The following COQ8A variants were observed in gnomAD, a reference collection of about 807,000 sequenced individuals.
The protein encoded by COQ8A is atypical kinase COQ8A, mitochondrial.
A neutral mutation model predicts 65.0 loss-of-function variants in COQ8A; 51 were observed. The observed-to-expected ratio is 0.78, with a 90% CI of 0.63 to 0.99. The LOEUF (loss-of-function observed/expected upper bound fraction) is 0.99, where lower values mean the gene tolerates loss of function less well. Among genes scored for constraint, COQ8A ranks in the 50% least tolerant of loss-of-function variants. The pLI is 0.00. For synonymous variants in COQ8A, 371 were observed against 353.2 expected, an observed-to-expected ratio of 1.05 and a Z score of -0.57; for missense variants, 940 against 875.0, an observed-to-expected ratio of 1.07 and a Z score of -0.94.
In COQ8A at chr1:226,961,374, C is replaced by T. The variant is rs757408616; in HGVS notation, c.-9-3C>T. The T allele has an allele frequency of 7.4e-6, 12 of 1,613,384 alleles. No individual in the cohort carries two copies. The highest frequency in any genetic ancestry group is 2.2e-5 in the East Asian group (1 of 44,894). On this transcript the variant is annotated splice_polypyrimidine_tract_variant and splice_region_variant and intron_variant, in intron 1 of 14. Transcript: ENST00000366777. Reference sequence around the variant, plus strand: ...TCCCCTGACTTGGCCTCCTCTCTTCCAGCCCTGAAGGATGGCTGCCATATT... The same window carrying T: ...TCCCCTGACTTGGCCTCCTCTCTTCTAGCCCTGAAGGATGGCTGCCATATT...
At chr1:226,942,776 G>T (rs955053532) in intron 1 of COQ8A, among the ~76,000 whole-genome samples, 7 of 152,172 alleles carry the variant, frequency 4.6e-5, no homozygotes, top group Non-Finnish European at 2.9e-5. Context: ...TCAGTGTCAA[G>T]GTCAGTGAAC....
intron 2 of COQ8A, among the ~76,000 whole-genome samples, chr1:226,962,064 A>T (rs1658286460): frequency 6.6e-6 from 1 of 152,168 alleles, no homozygotes; most frequent in Non-Finnish European, 1.5e-5. Flanking sequence ...TGCACTTTGG[A>T]GACACACAAT....
At chr1:226,961,680 C>A in intron 2 of COQ8A, 118 bp downstream of exon 2, 1 of 1,265,024 alleles carries the variant, frequency 7.9e-7, no homozygotes, top group Non-Finnish European at 1.1e-6. Flanking sequence ...GGCCTGAGGG[C>A]CCACCAGCTA....
intron 5 of COQ8A, among the ~76,000 whole-genome samples, chr1:226,980,767 C>T (rs531184035): frequency 2.6e-5 from 4 of 152,260 alleles, no homozygotes; most frequent in African/African-American, 7.2e-5. Context: ...CCCCTTTCCA[C>T]GTAGCTGCCT....
chr1:226,965,673 C>G lies in COQ8A; in HGVS notation c.591C>G (p.Leu197=). 6.2e-7 allele frequency: 1 copy of G among 1,614,108 alleles called. No homozygotes were observed. The highest frequency in any genetic ancestry group is 1.7e-5 in the Admixed American group (1 of 60,032). ...RPENKQHKQT[L]SEHARERKVP... is the part of the protein sequence containing the mutation. ...GTCTCTTTCTCGTCTCCCTCCAGCT[C>G]AGCGAGCATGCCCGGGAGCGGAAGG... is the stretch of plus-strand genomic sequence containing the variant. The change falls in exon 4 of 15, where the codon CTC becomes CTG. Residue 197 remains leucine, a splice_region_variant and synonymous_variant. Coordinates refer to ENST00000366777, the MANE Select transcript of COQ8A (RefSeq NM_020247.5).
intron 2 of COQ8A, among the ~76,000 whole-genome samples, chr1:226,964,396 A>G (rs866451571): frequency 5.9e-5 from 9 of 152,276 alleles, no homozygotes; most frequent in Middle Eastern, 6.8e-3. Flanking sequence ...TGACCATCAC[A>G]AAGAAAACAT....
At chr1:226,941,113 G>A (rs1167872755) in intron 1 of COQ8A, among the ~76,000 whole-genome samples, 3 of 152,184 alleles carry the variant, frequency 2.0e-5, no homozygotes, top group Admixed American at 6.5e-5. Flanking sequence ...TTTGGGCGAT[G>A]GGGAGTGCTG....
intron 2 of COQ8A, among the ~76,000 whole-genome samples, chr1:226,964,320 G>T (rs1257733399): frequency 6.6e-6 from 1 of 152,182 alleles, no homozygotes; most frequent in Admixed American, 6.5e-5. Context: ...GAAGGGTCAG[G>T]AGCTCACTCA....
At chr1:226,943,086 G>C (rs914751546) in intron 1 of COQ8A, among the ~76,000 whole-genome samples, 3 of 152,220 alleles carry the variant, frequency 2.0e-5, no homozygotes, top group Non-Finnish European at 4.4e-5. Context: ...TCAGTTAGGG[G>C]ATCTTTTGGG....
intron 5 of COQ8A, among the ~76,000 whole-genome samples, chr1:226,978,062 A>T (rs1659362332): frequency 7.6e-6 from 1 of 131,214 alleles, no homozygotes; most frequent in Non-Finnish European, 1.6e-5. Context: ...CCCACCGAAC[A>T]CCCGCACACC....
intron 1 of COQ8A, among the ~76,000 whole-genome samples, chr1:226,943,803 T>C (rs1306528089): frequency 6.6e-6 from 1 of 152,222 alleles, no homozygotes; most frequent in African/African-American, 2.4e-5. Context: ...AATCAAGCTA[T>C]AGAACAATTT....
At chr1:226,958,540 G>A (rs1264866759) in intron 1 of COQ8A, among the ~76,000 whole-genome samples, 1 of 152,198 alleles carries the variant, frequency 6.6e-6, no homozygotes, top group Non-Finnish European at 1.5e-5. Flanking sequence ...GCTGCCATGA[G>A]CCCTGGGCCA....
In COQ8A at chr1:226,958,563, C is replaced by T. The variant is rs756785874; in HGVS notation, c.-9-2814C>T. Among the ~76,000 whole-genome samples the T allele has an allele frequency of 5.9e-5, 9 of 152,172 alleles. No individual in the cohort carries two copies. In the South Asian group the frequency reaches 1.0e-3, roughly 18 times the overall value. On this transcript the variant is annotated intron_variant, in intron 1 of 14. Coordinates refer to ENST00000366777, the MANE Select transcript of COQ8A (RefSeq NM_020247.5). ...GAGCCCTGGGCCAGGGCAGGTTCAT[C>T]GGGGCCTGCAGGAACTAGCCCAGAG...
intron 5 of COQ8A, among the ~76,000 whole-genome samples, chr1:226,978,455 C>T: frequency 6.7e-6 from 1 of 148,488 alleles, no homozygotes. Flanking sequence ...CCTCCTTACA[C>T]ACCCTCCACA....
rs542842012 is a variant in COQ8A at position 226,945,656 on chromosome 1, C to T, written c.-10+5257C>T. Among the ~76,000 whole-genome samples the T allele has an allele frequency of 5.9e-5, 9 of 152,298 alleles. No individual in the cohort carries two copies. The South Asian group carries it at 8.3e-4, about 14-fold the overall frequency. On this transcript the variant is annotated intron_variant, in intron 1 of 14. Coordinates refer to ENST00000366777, the MANE Select transcript of COQ8A (RefSeq NM_020247.5). The stretch of plus-strand genomic sequence containing the variant: ...GGTCAAGGGTTGGACATTGTGCTGC[C>T]GCGATGCCTGTTGTAGCTGCTGTTT...
chr1:226,978,165 G>C (rs548135320), intron 5 of COQ8A, among the ~76,000 whole-genome samples: 3 of 125,278 alleles, frequency 2.4e-5, no homozygotes, highest in East Asian at 2.6e-4. Flanking sequence ...ACACACCCAC[G>C]CACCTTTTTA....
intron 1 of COQ8A, 182 bp downstream of exon 1, chr1:226,940,581 G>A (rs1656628705): frequency 6.6e-6 from 1 of 152,508 alleles, no homozygotes; most frequent in South Asian, 2.1e-4. Flanking sequence ...CAGTTGCAGG[G>A]TGGGTCCTCT....
chr1:226,950,353 A>G lies in COQ8A; in HGVS notation c.-10+9954A>G, dbSNP rs2186229. Among the ~76,000 whole-genome samples, 292 of 152,346 alleles carry G rather than the reference A, an allele frequency of 1.9e-3. 3 individuals carry two copies. Among genetic ancestry groups the G allele is most frequent in the African/African-American group, 6.5e-3 (269 of 41,576 alleles). On this transcript the variant is annotated intron_variant, in intron 1 of 14. Coordinates refer to ENST00000366777, the MANE Select transcript of COQ8A (RefSeq NM_020247.5). ...ATCCTAAGAATATCTTAATCTTCCA[A>G]TGGATGGAGAATGGAGGTTTGCAGC...
Position 226,987,120 on chromosome 1 carries a change from G to T in COQ8A, c.*383G>T. ...AGAAACATGAACAGATACGATTGTG[G>T]GATTTTATCATCTGTGTAGTAGGTG... On this transcript the variant is annotated 3_prime_UTR_variant, in exon 15 of 15. Coordinates refer to ENST00000366777, the MANE Select transcript of COQ8A (RefSeq NM_020247.5). 3.5e-6 allele frequency: 1 copy of T among 282,120 alleles called. No homozygotes were observed. Among genetic ancestry groups the T allele is most frequent in the Non-Finnish European group, 7.0e-6 (1 of 143,724 alleles). The allele number at this position is 282,120 out of a possible 1,614,324, so 17.5% of individuals were successfully genotyped here.
Sources: allele counts gnomAD v4.1 joint callset (sites outside exome capture counted in the v4.1 genomes callset), GRCh38; gene constraint gnomAD v4.1.1; transcripts MANE v1.5; gene names NCBI Gene and HGNC (gene_info 2026-07-23, HGNC 2026-07-21).